KARS1: variants seen among roughly 807,000 people sequenced by gnomAD.
The protein encoded by KARS1 is lysyl-tRNA synthetase 1.
In KARS1, 50 loss-of-function variants were observed where a neutral mutation model predicts 63.9. The observed-to-expected ratio is 0.78, with a 90% confidence interval of 0.62 to 0.99. KARS1 has a LOEUF of 0.99. Ranked by LOEUF, KARS1 falls within the 50% of genes least tolerant of loss-of-function variation. The pLI, the probability that KARS1 is intolerant of heterozygous loss-of-function variation, is 0.00. For missense variants in KARS1, 816 were observed against 754.5 expected (o/e 1.08, Z -0.95); for synonymous variants, 320 against 264.6 (o/e 1.21, Z -2.03).
rs752560027 is a variant in KARS1, at chr16:75,630,425, T to C, written c.1422A>G (p.Lys474=). The C allele has an allele frequency of 6.9e-6, 11 of 1,587,670 alleles. No individual in the cohort carries two copies. In the East Asian group the frequency reaches 2.5e-4, roughly 35 times the overall value. ...GCAATAGGTAACTGGAATCTTACCA[T>C]TTAGCCAAAGGGCTCATTATCTGTG... ...DHPQIMSPLA[K]WHRSKEGLTE... is the part of the protein sequence containing the mutation. Residue 474 remains lysine (K), a splice_region_variant and synonymous_variant, in exon 11 of 14, where the codon AAA becomes AAG. Coordinates refer to ENST00000302445, the MANE Select transcript of KARS1 (RefSeq NM_005548.3).
chr16:75,635,455 C>A, intron 6 of KARS1: 1 of 547,666 alleles, frequency 1.8e-6, no homozygotes, highest in Admixed American at 3.0e-5. Context: ...AATGTGACAT[C>A]ATTAGCATGT....
intron 12 of KARS1, chr16:75,629,048 C>T: frequency 2.1e-6 from 1 of 466,510 alleles, no homozygotes; most frequent in South Asian, 2.1e-5. Flanking sequence ...GAAAACAGCC[C>T]TGTCAACACC....
At chr16:75,638,913 A>T (rs577900220) in intron 3 of KARS1, among the ~76,000 whole-genome samples, 1 of 152,368 alleles carries the variant, frequency 6.6e-6, no homozygotes, top group East Asian at 1.9e-4. Context: ...CATGCCTGTA[A>T]TCCCAGCACT....
intron 1 of KARS1, chr16:75,642,939 C>T (rs1239677553): frequency 6.6e-6 from 1 of 152,190 alleles, no homozygotes; most frequent in Non-Finnish European, 1.5e-5. Context: ...ATTCAGCTAA[C>T]CAAATGTGAG....
At chr16:75,645,126 C>G (rs1013028365) in intron 1 of KARS1, among the ~76,000 whole-genome samples, 1 of 152,200 alleles carries the variant, frequency 6.6e-6, no homozygotes, top group African/African-American at 2.4e-5. Context: ...GGAGTCAATA[C>G]CTGGCACAAA....
intron 1 of KARS1, chr16:75,644,454 TACC>T: frequency 6.3e-7 from 1 of 1,595,214 alleles, no homozygotes; most frequent in Non-Finnish European, 8.6e-7. Flanking sequence ...AACTAATGAT[TACC>T]ACCACCTAGC....
intron 3 of KARS1, among the ~76,000 whole-genome samples, chr16:75,639,194 A>G (rs985804537): frequency 1.2e-4 from 18 of 152,200 alleles, no homozygotes; most frequent in African/African-American, 4.3e-4. Context: ...AAAAAATAAA[A>G]AAAAATCTGA....
At chr16:75,636,156 G>C in intron 4 of KARS1, 58 bp from the exon 5 acceptor site, 2 of 1,072,924 alleles carry the variant, frequency 1.9e-6, no homozygotes, top group Non-Finnish European at 1.4e-6. Context: ...CTGACCACTG[G>C]TCTCCTCTGG....
intron 1 of KARS1, among the ~76,000 whole-genome samples, chr16:75,642,552 C>A (rs962134162): frequency 6.6e-6 from 1 of 152,042 alleles, no homozygotes; most frequent in South Asian, 2.1e-4. Context: ...CTCTGCTACC[C>A]CCTCTCTCTA....
chr16:75,629,205 T>C (rs971151562), intron 12 of KARS1, among the ~76,000 whole-genome samples: 7 of 152,252 alleles, frequency 4.6e-5, no homozygotes, highest in African/African-American at 1.7e-4. Context: ...ACGCTTTCCA[T>C]ACGGAGATTA....
Position 75,647,327 on chromosome 16 carries a change from C to A in KARS1, c.62+251G>T, listed in dbSNP as rs1053000030. The A allele has an allele frequency of 6.7e-6, 4 of 597,840 alleles. No individual in the cohort carries two copies. In the South Asian group the frequency reaches 7.8e-5, roughly 12 times the overall value. The allele number at this position is 597,840 out of a possible 1,614,324, so 37.0% of individuals were successfully genotyped here. On this transcript the variant is annotated intron_variant, in intron 1 of 13. Transcript: ENST00000302445. ...CTTAGTTCTCGTCCTAGTTCCTCCT[C>A]CACAGTCTCTTAACTCTAGGAGTAT... is the stretch of plus-strand genomic sequence containing the variant.
intron 3 of KARS1, chr16:75,639,848 CA>C (rs1199656490): frequency 8.2e-6 from 2 of 243,202 alleles, no homozygotes; most frequent in Non-Finnish European, 1.6e-5. Flanking sequence ...TCCAAAAGAG[CA>C]ATGTTCTAGA....
At position 75,629,532 on chromosome 16, in the gene KARS1, A is replaced by G. The variant is rs148422506; in HGVS notation, c.1434T>C (p.Ser478=). 6.2e-7 allele frequency: 1 copy of G among 1,614,102 alleles called. No homozygotes were observed. Among genetic ancestry groups the G allele is most frequent in the Non-Finnish European group, 8.5e-7 (1 of 1,179,962 alleles). ...CAAAGCGCTCAGTCAGACCCTCTTT[A>G]GAGCGGTGCCTAGGGACAGGAGACC... ...IMSPLAKWHR[S]KEGLTERFEL... Residue 478 remains serine (S), a synonymous_variant, in exon 12 of 14, where the codon TCT becomes TCC. Coordinates refer to ENST00000302445, the MANE Select transcript of KARS1 (RefSeq NM_005548.3).
intron 12 of KARS1, 123 bp from the exon 13 acceptor site, chr16:75,628,835 A>G: frequency 2.0e-6 from 2 of 1,021,978 alleles, no homozygotes; most frequent in South Asian, 2.6e-5. Context: ...GACACTCAGG[A>G]CTTGCTGGGA....
chr16:75,635,582 T>C, intron 6 of KARS1, 98 bp downstream of exon 6: 1 of 1,350,108 alleles, frequency 7.4e-7, no homozygotes, highest in African/African-American at 1.4e-5. Context: ...GCATGAAGGA[T>C]CCTGACACAG....
At chr16:75,629,925 G>A (rs150918335) in intron 11 of KARS1, among the ~76,000 whole-genome samples, 3 of 152,306 alleles carry the variant, frequency 2.0e-5, no homozygotes, top group South Asian at 2.1e-4. Context: ...TTGGTACAAC[G>A]GTGAGGAGGG....
intron 11 of KARS1, 84 bp downstream of exon 11, chr16:75,630,339 T>G (rs1287166069): frequency 3.3e-6 from 3 of 922,756 alleles, no homozygotes; most frequent in Middle Eastern, 2.1e-4. Context: ...AGACCACCAG[T>G]CAAACCACAA....
In KARS1 at chr16:75,639,778, G is replaced by C. The variant is rs1324621871; in HGVS notation, c.388+406C>G. 3 of 169,142 alleles carry C rather than the reference G, an allele frequency of 1.8e-5. No individual in the cohort carries two copies. In the East Asian group the frequency reaches 7.4e-4, roughly 41 times the overall value. The allele number at this position is 169,142 out of a possible 1,614,324, so 10.5% of individuals were successfully genotyped here. On this transcript the variant is annotated intron_variant, in intron 3 of 13. Transcript: ENST00000302445. The stretch of plus-strand genomic sequence containing the variant: ...GTGGGAGAGGGCAAGGAAAAGATGT[G>C]ATTTTTTTTTTTTGTTTTTTAAATT...
At chr16:75,644,176 T>G in intron 1 of KARS1, 3 of 980,240 alleles carry the variant, frequency 3.1e-6, no homozygotes, top group Middle Eastern at 2.1e-4. Context: ...GCTCCTTGTT[T>G]CCTTAGCAAC....
Sources: gnomAD v4.1 joint callset for allele counts (sites outside exome capture counted in the v4.1 genomes callset) on GRCh38, gnomAD v4.1.1 for gene constraint, MANE v1.5 for transcripts, NCBI Gene and HGNC (gene_info 2026-07-23, HGNC 2026-07-21) for gene names.